CCDC149: variants seen among roughly 807,000 people sequenced by gnomAD.
The protein encoded by CCDC149 is coiled-coil domain containing 149, also known as coiled-coil domain-containing protein 149.
In CCDC149, 45 loss-of-function variants were observed where a neutral mutation model predicts 59.9. The ratio of observed to expected loss-of-function variants is 0.75; its 90% CI spans 0.59 to 0.96. CCDC149 has a LOEUF of 0.96. Among genes scored for constraint, CCDC149 ranks in the 40% least tolerant of loss-of-function variants. CCDC149 has a pLI of 0.00. For synonymous variants in CCDC149, 245 were observed against 260.6 expected, an observed-to-expected ratio of 0.94 and a Z score of 0.58; for missense variants, 584 against 664.7, an observed-to-expected ratio of 0.88 and a Z score of 1.33.
In CCDC149 at chr4:24,874,244, G is replaced by GTTTTTTTTTTTTTTTTTTTTTTTTTTT. The variant is rs5856868; in HGVS notation, c.226-526_226-525insAAAAAAAAAAAAAAAAAAAAAAAAAAA. Among the ~76,000 whole-genome samples, 12 of 87,482 alleles carry GTTTTTTTTTTTTTTTTTTTTTTTTTTT rather than the reference G, an allele frequency of 1.4e-4. 3 individuals are homozygous for GTTTTTTTTTTTTTTTTTTTTTTTTTTT. The highest frequency in any genetic ancestry group is 7.0e-4 in the African/African-American group (12 of 17,168). 57.4% of individuals were successfully genotyped at this position (87,482 alleles called of 152,430 possible). The stretch of plus-strand genomic sequence containing the variant: ...GAGAACTTCTAGTCCTATTAGATTT[G>GTTTTTTTTTTTTTTTTTTTTTTTTTTT]TTTTTTTTTTTTTTTGTTTTGTTTT... On this transcript the variant is annotated intron_variant, in intron 2 of 12. Coordinates refer to ENST00000635206, the MANE Select transcript of CCDC149 (RefSeq NM_001330643.2).
intron 3 of CCDC149, among the ~76,000 whole-genome samples, chr4:24,872,969 CACCCGCAGAATGGTAT>C (rs1482237158): frequency 7.5e-5 from 6 of 79,472 alleles, no homozygotes; most frequent in African/African-American, 2.0e-4. Context: ...GAATGGTATG[CACCCGCAGAATGGTAT>C]GCACCCACTG....
chr4:24,831,491 A>T lies in CCDC149; in HGVS notation c.965+15T>A. On this transcript the variant is annotated intron_variant, in intron 9 of 12. Transcript: ENST00000635206. ...CTTCGCGCCCACCCCCCAACACAAG[A>T]GTTTGGCCACCTACTTGTTGGTTTG... is the stretch of plus-strand genomic sequence containing the variant. 6.2e-7 allele frequency: 1 copy of T among 1,613,176 alleles called. No homozygotes were observed. Among genetic ancestry groups the T allele is most frequent in the South Asian group, 1.1e-5 (1 of 90,966 alleles).
chr4:24,938,433 C>T (rs2109346475), intron 1 of CCDC149, among the ~76,000 whole-genome samples: 1 of 152,280 alleles, frequency 6.6e-6, no homozygotes, highest in South Asian at 2.1e-4. Flanking sequence ...GCCAAGATAG[C>T]CGAATAGGAA....
chr4:24,878,608 C>A (rs1052636587), intron 1 of CCDC149, among the ~76,000 whole-genome samples: 2 of 152,228 alleles, frequency 1.3e-5, no homozygotes, highest in East Asian at 3.8e-4. Context: ...GTAATCAGCA[C>A]CCTTGGTTGT....
intron 8 of CCDC149, 35 bp from the exon 9 acceptor site, chr4:24,831,685 A>T (rs534560372): frequency 1.9e-6 from 3 of 1,593,540 alleles, no homozygotes; most frequent in East Asian, 2.2e-5. Context: ...CTCAGTCGTC[A>T]TTCTTCTGAA....
At chr4:24,975,631 T>C (rs981697578) in intron 1 of CCDC149, among the ~76,000 whole-genome samples, 1 of 151,158 alleles carries the variant, frequency 6.6e-6, no homozygotes, top group Non-Finnish European at 1.5e-5. Flanking sequence ...AAGGAGCTCA[T>C]TGATGGGGCT....
At chr4:24,850,833 A>T (rs569935341) in intron 4 of CCDC149, among the ~76,000 whole-genome samples, 72 of 152,318 alleles carry the variant, frequency 4.7e-4, no homozygotes, top group African/African-American at 1.7e-3. Context: ...TTATGGAATG[A>T]GTAATCTGGC....
chr4:24,939,953 C>T (rs1168381675), intron 1 of CCDC149, among the ~76,000 whole-genome samples: 1 of 152,180 alleles, frequency 6.6e-6, no homozygotes, highest in Non-Finnish European at 1.5e-5. Flanking sequence ...AGAATGGAAC[C>T]AAGTTGGAAA....
At chr4:24,908,204 T>A (rs1037180937) in intron 1 of CCDC149, among the ~76,000 whole-genome samples, 2 of 152,144 alleles carry the variant, frequency 1.3e-5, no homozygotes, top group African/African-American at 4.8e-5. Flanking sequence ...ACCTACAACA[T>A]CAGCCAGTAA....
chr4:24,928,885 C>T (rs1011742992), intron 1 of CCDC149, among the ~76,000 whole-genome samples: 2 of 152,118 alleles, frequency 1.3e-5, no homozygotes, highest in Non-Finnish European at 2.9e-5. Flanking sequence ...ATGTGACAGG[C>T]GGGGCAGCAC....
At chr4:24,961,059 C>T (rs768495803) in intron 1 of CCDC149, among the ~76,000 whole-genome samples, 1 of 152,166 alleles carries the variant, frequency 6.6e-6, no homozygotes, top group Non-Finnish European at 1.5e-5. Context: ...CAATAGAATA[C>T]ACATTCTTCT....
chr4:24,975,369 C>T (rs1398233556), intron 1 of CCDC149, among the ~76,000 whole-genome samples: 9 of 81,132 alleles, frequency 1.1e-4, no homozygotes, highest in Non-Finnish European at 7.1e-5. Flanking sequence ...GAGGAGAAGG[C>T]AGAGAAGAGG....
At chr4:24,943,604 G>T (rs932259592) in intron 1 of CCDC149, among the ~76,000 whole-genome samples, 12 of 152,318 alleles carry the variant, frequency 7.9e-5, no homozygotes, top group Non-Finnish European at 1.8e-4. Context: ...CACAGCAAAA[G>T]AAACCACCAT....
chr4:24,867,303 T>G (rs1436409934), intron 3 of CCDC149, among the ~76,000 whole-genome samples: 1 of 152,232 alleles, frequency 6.6e-6, no homozygotes, highest in African/African-American at 2.4e-5. Context: ...TGACACAGTT[T>G]GCCCAGTCAG....
At chr4:24,871,750 T>A (rs1197839210) in intron 3 of CCDC149, among the ~76,000 whole-genome samples, 2 of 152,222 alleles carry the variant, frequency 1.3e-5, no homozygotes, top group African/African-American at 4.8e-5. Context: ...TTAATGCCAT[T>A]TTAAATGCTA....
chr4:24,809,872 G>A (rs1229000260), intron 12 of CCDC149, among the ~76,000 whole-genome samples: 1 of 152,240 alleles, frequency 6.6e-6, no homozygotes. Flanking sequence ...AACTTGGGGA[G>A]CTGGAGAACT....
At chr4:24,950,085 AAG>A (rs1374687990) in intron 1 of CCDC149, among the ~76,000 whole-genome samples, 1 of 152,222 alleles carries the variant, frequency 6.6e-6, no homozygotes, top group Non-Finnish European at 1.5e-5. Context: ...CTGGAAACTC[AAG>A]AGAGAAATTG....
Position 24,936,633 on chromosome 4 carries a change from T to C in CCDC149, c.-64-41515A>G, listed in dbSNP as rs1722788644. On this transcript the variant is annotated intron_variant, in intron 1 of 12. Coordinates refer to the CCDC149 transcript ENST00000389609. Reference sequence around the variant, plus strand: ...TTGTTATTTTCTATAGTTACTCTAGTATATAACAGGACACCAAAATGTGTC... The same window carrying C: ...TTGTTATTTTCTATAGTTACTCTAGCATATAACAGGACACCAAAATGTGTC... 2.0e-5 allele frequency among the ~76,000 whole-genome samples: 3 copies of C among 152,192 alleles called. No homozygotes were observed. In the South Asian group the frequency reaches 6.2e-4, roughly 32 times the overall value.
rs1469324329 is a variant in CCDC149, at chr4:24,813,673, T to C, written c.1193-4854A>G. Among the ~76,000 whole-genome samples the C allele has an allele frequency of 2.0e-5, 3 of 151,970 alleles. No homozygotes were observed. In the East Asian group the frequency reaches 5.8e-4, roughly 29 times the overall value. On this transcript the variant is annotated intron_variant, in intron 12 of 12. Coordinates refer to ENST00000635206, the MANE Select transcript of CCDC149 (RefSeq NM_001330643.2). The stretch of plus-strand genomic sequence containing the variant: ...TATTGATACGATATAAAAGTATTGA[T>C]TGATATGCATGGTATGTGGTGTTGA...
Sources: allele counts gnomAD v4.1 joint callset (sites outside exome capture counted in the v4.1 genomes callset), GRCh38; gene constraint gnomAD v4.1.1; transcripts MANE v1.5; gene names NCBI Gene and HGNC (gene_info 2026-07-23, HGNC 2026-07-21).